The following CCDC141 variants were observed in gnomAD, a reference collection of about 807,000 sequenced individuals.
CCDC141 encodes the protein coiled-coil domain containing 141.
Under a neutral mutation model 181.0 loss-of-function variants are expected in CCDC141, and 168 were observed. The ratio of observed to expected loss-of-function variants is 0.93; its 90% CI spans 0.82 to 1.05. The LOEUF is 1.05. Ranked by LOEUF, CCDC141 falls within the 50% of genes least tolerant of loss-of-function variation. CCDC141 has a pLI of 0.00. For synonymous variants in CCDC141, 666 were observed against 642.3 expected (o/e 1.04, Z -0.56); for missense variants, 1,902 against 1,788.5 (o/e 1.06, Z -1.14).
At chr2:178,827,682 CT>C (rs943846960), downstream of CCDC141, among the ~76,000 whole-genome samples, 4 of 152,072 alleles carry the variant, frequency 2.6e-5, no homozygotes, top group Non-Finnish European at 5.9e-5. Context: ...CCCAGGAGTG[CT>C]GGTTTGAAAG....
intron 5 of CCDC141, among the ~76,000 whole-genome samples, chr2:178,960,508 T>C (rs1307769709): frequency 6.6e-6 from 1 of 152,226 alleles, no homozygotes; most frequent in Non-Finnish European, 1.5e-5. Flanking sequence ...CCACTTAATC[T>C]GTACAGATTT....
chr2:178,970,297 G>T (rs956354789), intron 4 of CCDC141, among the ~76,000 whole-genome samples: 1 of 152,150 alleles, frequency 6.6e-6, no homozygotes, highest in African/African-American at 2.4e-5. Context: ...AACAAAAAAA[G>T]AGCCCACATA....
chr2:178,830,314 A>C lies in CCDC141; in HGVS notation c.*3859T>G, dbSNP rs1684202122. The C allele has an allele frequency of 6.6e-6, 1 of 152,164 alleles. No homozygotes were observed. The highest frequency in any genetic ancestry group is 1.5e-5 in the Non-Finnish European group (1 of 68,034). 9.4% of individuals were successfully genotyped at this position (152,164 alleles called of 1,614,324 possible). On this transcript the variant is annotated 3_prime_UTR_variant, in exon 24 of 24. Coordinates refer to ENST00000443758, the MANE Select transcript of CCDC141 (RefSeq NM_173648.4). ...AGCCAGCATCTATTTTTAAATTCAAATTTTCAATCAGGGTCTAGCCCAGAG... is the reference window on the plus strand; with the variant it reads ...AGCCAGCATCTATTTTTAAATTCAACTTTTCAATCAGGGTCTAGCCCAGAG...
chr2:178,972,139 A>G (rs1010108757), intron 4 of CCDC141, among the ~76,000 whole-genome samples: 1 of 152,156 alleles, frequency 6.6e-6, no homozygotes, highest in Non-Finnish European at 1.5e-5. Flanking sequence ...AAGAAGGAAA[A>G]AGAAGTAATA....
At chr2:178,897,194 T>G (rs1339460180) in intron 8 of CCDC141, among the ~76,000 whole-genome samples, 3 of 152,196 alleles carry the variant, frequency 2.0e-5, no homozygotes, top group African/African-American at 4.8e-5. Context: ...TCTTATGTAT[T>G]TGATTTATCT....
At chr2:178,842,022 C>A (rs1392938772) in intron 22 of CCDC141, among the ~76,000 whole-genome samples, 1 of 152,070 alleles carries the variant, frequency 6.6e-6, no homozygotes, top group Non-Finnish European at 1.5e-5. Flanking sequence ...TTTACATATA[C>A]TAATTATTTG....
At chr2:178,863,574 C>T (rs1313428971) in intron 17 of CCDC141, among the ~76,000 whole-genome samples, 1 of 152,122 alleles carries the variant, frequency 6.6e-6, no homozygotes. Flanking sequence ...CTCTGCTGTT[C>T]ACAATATAAA....
chr2:178,975,343 G>A (rs912581430), intron 3 of CCDC141, among the ~76,000 whole-genome samples, 178 bp from the exon 4 acceptor site: 5 of 152,094 alleles, frequency 3.3e-5, no homozygotes, highest in African/African-American at 1.2e-4. Flanking sequence ...TTGCATGAGG[G>A]TGTGTGTTTG....
chr2:178,984,102 C>G (rs2154381475), intron 2 of CCDC141, among the ~76,000 whole-genome samples: 1 of 152,302 alleles, frequency 6.6e-6, no homozygotes, highest in Admixed American at 6.5e-5. Flanking sequence ...GCCCATCAGA[C>G]TAACAGTGGA....
At chr2:178,892,420 T>C (rs990710393) in intron 8 of CCDC141, among the ~76,000 whole-genome samples, 3 of 152,128 alleles carry the variant, frequency 2.0e-5, no homozygotes, top group African/African-American at 4.8e-5. Flanking sequence ...AACTAGGTCA[T>C]CTCTGTCTGA....
chr2:178,863,507 T>C lies in CCDC141; in HGVS notation c.2724+2260A>G, dbSNP rs115122818. The stretch of plus-strand genomic sequence containing the variant: ...CAAAGACTAATAATGATAACAACGA[T>C]AATAATGTCTAGATAGCAAATATTA... On this transcript the variant is annotated intron_variant, in intron 17 of 23. Transcript: ENST00000443758. Among the ~76,000 whole-genome samples, 1,314 of 152,356 alleles carry C rather than the reference T, an allele frequency of 8.6e-3. 23 individuals carry two copies. Among genetic ancestry groups the C allele is most frequent in the African/African-American group, 0.029 (1,200 of 41,574 alleles).
rs1344252220 is a variant in CCDC141, at chr2:178,865,827, C to G, written c.2664G>C (p.Glu888Asp). The change falls in exon 17 of 24, where the codon GAG becomes GAC. Residue 888 changes from glutamate to aspartate, a missense_variant. By Grantham distance (45) the Glu-to-Asp change is conservative (BLOSUM62 2). Coordinates refer to ENST00000443758, the MANE Select transcript of CCDC141 (RefSeq NM_173648.4). ...CACTACGGGACAGGGTCCGTCCATA[C>G]TCCTCAGCTTTGGCACGCCACTTCA... is the stretch of plus-strand genomic sequence containing the variant. ...DSMKWRAKAE[E>D]YGRTLSRSVE... The G allele has an allele frequency of 6.2e-7, 1 of 1,607,270 alleles. No homozygotes were observed. Among genetic ancestry groups the G allele is most frequent in the African/African-American group, 1.3e-5 (1 of 74,608 alleles).
Position 178,933,643 on chromosome 2 carries a change from G to A in CCDC141, c.897+10892C>T, listed in dbSNP as rs139437667. On this transcript the variant is annotated intron_variant, in intron 6 of 23. Coordinates refer to ENST00000443758, the MANE Select transcript of CCDC141 (RefSeq NM_173648.4). ...TTTCTTAAGTGATTTTCTGTCTTCT[G>A]TCTCCCTCCCATTACTGTCATTCAC... Among the ~76,000 whole-genome samples the A allele has an allele frequency of 2.7e-4, 41 of 152,244 alleles. No homozygotes were observed. The South Asian group carries it at 2.7e-3, about 10-fold the overall frequency.
intron 3 of CCDC141, among the ~76,000 whole-genome samples, chr2:178,976,866 G>A (rs1447273105): frequency 6.6e-6 from 1 of 151,838 alleles, no homozygotes; most frequent in African/African-American, 2.4e-5. Flanking sequence ...AAAGTTCCAG[G>A]GTCACTGTTT....
chr2:178,958,037 C>T (rs777391479), intron 5 of CCDC141, among the ~76,000 whole-genome samples: 1 of 152,140 alleles, frequency 6.6e-6, no homozygotes, highest in Non-Finnish European at 1.5e-5. Flanking sequence ...ATGAAAAACG[C>T]CAATCTGAAA....
intron 6 of CCDC141, among the ~76,000 whole-genome samples, chr2:178,940,372 T>C (rs573449348): frequency 3.3e-5 from 5 of 152,342 alleles, no homozygotes; most frequent in Admixed American, 6.5e-5. Flanking sequence ...AACAGTGTTA[T>C]GGCAAAAAAC....
At chr2:178,992,418 G>C (rs1575318321) in intron 2 of CCDC141, among the ~76,000 whole-genome samples, 1 of 145,280 alleles carries the variant, frequency 6.9e-6, no homozygotes, top group South Asian at 2.2e-4. Context: ...TGGAATCATG[G>C]ACCTAAGTTG....
At chr2:178,968,353 C>T (rs2154379689) in intron 4 of CCDC141, among the ~76,000 whole-genome samples, 1 of 152,306 alleles carries the variant, frequency 6.6e-6, no homozygotes, top group East Asian at 1.9e-4. Flanking sequence ...TACTCCTCAG[C>T]AAATGCAAAA....
chr2:178,818,720 A>C, the CCDC141 span, among the ~76,000 whole-genome samples: 32 of 152,228 alleles, frequency 2.1e-4, no homozygotes, highest in East Asian at 5.8e-3. Context: ...GCTATTGTAA[A>C]TAGTGCTGCA....
Sources: allele counts gnomAD v4.1 joint callset (sites outside exome capture counted in the v4.1 genomes callset), GRCh38; gene constraint gnomAD v4.1.1; transcripts MANE v1.5; gene names NCBI Gene and HGNC (gene_info 2026-07-23, HGNC 2026-07-21).